MPPED1: variants seen among roughly 807,000 people sequenced by gnomAD.
MPPED1 encodes metallophosphoesterase domain-containing protein 1.
MPPED1 carries 16 observed loss-of-function variants against 36.2 expected under a neutral mutation model. The ratio of observed to expected loss-of-function variants is 0.44; its 90% CI spans 0.30 to 0.67. The LOEUF (loss-of-function observed/expected upper bound fraction) is 0.67. Ranked by LOEUF, MPPED1 falls within the 30% of genes least tolerant of loss-of-function variation. MPPED1 has a pLI of 0.10. For synonymous variants in MPPED1, 199 were observed against 191.3 expected (o/e 1.04, Z -0.33); for missense variants, 307 against 453.4 (o/e 0.68, Z 2.93).
intron 4 of MPPED1, among the ~76,000 whole-genome samples, chr22:43,476,690 G>C (rs949584446): frequency 6.6e-6 from 1 of 152,100 alleles, no homozygotes; most frequent in African/African-American, 2.4e-5. Context: ...GGCCTCGGCA[G>C]GTGCCTGCTG....
intron 1 of MPPED1, among the ~76,000 whole-genome samples, chr22:43,414,599 T>C (rs1233307914): frequency 1.3e-5 from 2 of 152,150 alleles, no homozygotes; most frequent in African/African-American, 4.8e-5. Flanking sequence ...CAGAAAAACA[T>C]GCAATTAGTG....
At chr22:43,424,479 T>C (rs1929387047) in intron 1 of MPPED1, among the ~76,000 whole-genome samples, 2 of 152,114 alleles carry the variant, frequency 1.3e-5, no homozygotes, top group Admixed American at 6.5e-5. Flanking sequence ...GGGGGAGGGT[T>C]GTAGGAGAAT....
chr22:43,425,168 C>T lies in MPPED1; in HGVS notation c.183C>T (p.Tyr61=), dbSNP rs1434526549. ...ACCCCACCCAGGCCTTCACCTTCTA[C>T]AACATCAACCAGGGCCGCTTCCAGC... The part of the protein sequence containing the change: ...SSNPTQAFTF[Y]NINQGRFQPP... Residue 61 remains tyrosine, a synonymous_variant, in exon 2 of 7, where the codon TAC becomes TAT. Coordinates refer to ENST00000443721, the MANE Select transcript of MPPED1 (RefSeq NM_001044370.2). 5 of 1,582,562 alleles carry T rather than the reference C, an allele frequency of 3.2e-6. No homozygotes were observed. In the South Asian group the frequency reaches 5.5e-5, roughly 17 times the overall value.
chr22:43,470,163 C>T (rs1931324233), intron 3 of MPPED1, among the ~76,000 whole-genome samples: 1 of 151,080 alleles, frequency 6.6e-6, no homozygotes, highest in Non-Finnish European at 1.5e-5. Flanking sequence ...TCTATATATC[C>T]ATACATATAT....
At chr22:43,432,220 G>GAGAGAGACTA (rs71186588) in intron 2 of MPPED1, among the ~76,000 whole-genome samples, 1 of 150,896 alleles carries the variant, frequency 6.6e-6, no homozygotes, top group South Asian at 2.1e-4. Flanking sequence ...GAGAGAGAGA[G>GAGAGAGACTA]ACACAGAGAG....
At chr22:43,456,110 C>G (rs1052478881) in intron 3 of MPPED1, among the ~76,000 whole-genome samples, 1 of 152,198 alleles carries the variant, frequency 6.6e-6, no homozygotes, top group Non-Finnish European at 1.5e-5. Context: ...TTATTTCTTC[C>G]CTTCCGTTCT....
At chr22:43,488,749 T>C (rs2146901829) in intron 4 of MPPED1, among the ~76,000 whole-genome samples, 1 of 152,394 alleles carries the variant, frequency 6.6e-6, no homozygotes, top group East Asian at 1.9e-4. Flanking sequence ...AAGAAAATTA[T>C]TCCAATGGTT....
chr22:43,501,072 C>T (rs1207521556), intron 5 of MPPED1, among the ~76,000 whole-genome samples: 1 of 152,152 alleles, frequency 6.6e-6, no homozygotes, highest in Non-Finnish European at 1.5e-5. Context: ...CCCTCTGCCT[C>T]CTCACAAAGT....
rs758498375 is a variant in MPPED1, at chr22:43,502,794, G to C, written c.862+37G>C. The C allele has an allele frequency of 3.1e-5, 49 of 1,576,290 alleles. No homozygotes were observed. Among genetic ancestry groups the C allele is most frequent in the Admixed American group, 6.7e-5 (4 of 59,894 alleles). ...GCGGAGACAGGCACCTCACGGGCTA[G>C]GGGCTCCTAATGGACCCTCCAGCAG... On this transcript the variant is annotated intron_variant, in intron 6 of 6. Coordinates refer to ENST00000443721, the MANE Select transcript of MPPED1 (RefSeq NM_001044370.2). This position sits in a 1 kb window ranked among gnomAD's most constrained non-coding sequence, Gnocchi z 5.5.
At chr22:43,418,454 T>C (rs1929152733) in intron 1 of MPPED1, 1 of 289,320 alleles carries the variant, frequency 3.5e-6, no homozygotes, top group Non-Finnish European at 6.8e-6. Context: ...TTGCAAACAT[T>C]CATCTGCTGC....
intron 3 of MPPED1, among the ~76,000 whole-genome samples, chr22:43,471,626 A>G (rs952721150): frequency 2.6e-5 from 4 of 151,998 alleles, no homozygotes; most frequent in Non-Finnish European, 5.9e-5. Flanking sequence ...GTCCTCCCGG[A>G]CCCACTACCA....
At chr22:43,504,921 T>C (rs1932778944) in intron 6 of MPPED1, among the ~76,000 whole-genome samples, 1 of 151,016 alleles carries the variant, frequency 6.6e-6, no homozygotes, top group African/African-American at 2.4e-5. Flanking sequence ...GTGATAGTGA[T>C]GATGATGGCA....
chr22:43,484,259 C>A (rs1256097983), intron 4 of MPPED1, among the ~76,000 whole-genome samples: 1 of 152,254 alleles, frequency 6.6e-6, no homozygotes, highest in Non-Finnish European at 1.5e-5. Context: ...CCCATGTAGT[C>A]TGCCTAGCAA....
At chr22:43,441,730 GC>G (rs1223362660) in intron 3 of MPPED1, among the ~76,000 whole-genome samples, 1 of 152,176 alleles carries the variant, frequency 6.6e-6, no homozygotes, top group Non-Finnish European at 1.5e-5. Context: ...TAGGTCTTTT[GC>G]AAGTAAACCC....
chr22:43,469,566 C>G (rs1488940629), intron 3 of MPPED1, among the ~76,000 whole-genome samples: 1 of 129,356 alleles, frequency 7.7e-6, no homozygotes, highest in African/African-American at 3.0e-5. Context: ...GGAGACTCCT[C>G]CTGCCCACTC....
chr22:43,481,866 C>A (rs571014072), intron 4 of MPPED1, among the ~76,000 whole-genome samples: 2 of 152,338 alleles, frequency 1.3e-5, no homozygotes, highest in East Asian at 3.9e-4. Flanking sequence ...CTAATGGGGG[C>A]AGGGCCATAA....
chr22:43,444,933 AT>A (rs1291700667), intron 3 of MPPED1, among the ~76,000 whole-genome samples: 1 of 152,232 alleles, frequency 6.6e-6, no homozygotes, highest in Admixed American at 6.5e-5. Context: ...TTGATGATAA[AT>A]TAAAAGCCAG....
chr22:43,504,840 A>T (rs956756770), intron 6 of MPPED1, among the ~76,000 whole-genome samples: 18 of 140,862 alleles, frequency 1.3e-4, no homozygotes, highest in Non-Finnish European at 2.1e-4. Flanking sequence ...TAGTGATGAT[A>T]GATAGCATTA....
chr22:43,444,403 G>A (rs1601963651), intron 3 of MPPED1, among the ~76,000 whole-genome samples: 1 of 119,984 alleles, frequency 8.3e-6, no homozygotes, highest in Non-Finnish European at 1.6e-5. Context: ...GTCTTGCCCT[G>A]TCACCCAGGC....
Sources: allele counts gnomAD v4.1 joint callset (sites outside exome capture counted in the v4.1 genomes callset), GRCh38; gene constraint gnomAD v4.1.1; non-coding constraint Gnocchi (gnomAD v3.1); transcripts MANE v1.5; gene names NCBI Gene and HGNC (gene_info 2026-07-23, HGNC 2026-07-21).